TNFRSF10D: variants seen among roughly 807,000 people sequenced by gnomAD.
The protein encoded by TNFRSF10D is TNF receptor superfamily member 10d.
A neutral mutation model predicts 42.1 loss-of-function variants in TNFRSF10D; 28 were observed. The ratio of observed to expected loss-of-function variants is 0.66; its 90% confidence interval spans 0.49 to 0.91. TNFRSF10D has a LOEUF of 0.91. TNFRSF10D is among the 40% of genes least tolerant of loss of function. The pLI is 0.00. For synonymous variants in TNFRSF10D, 186 were observed against 189.4 expected (o/e 0.98, Z 0.15); for missense variants, 503 against 486.1 (o/e 1.03, Z -0.33).
chr8:23,139,552 T>C (rs1271541924), intron 7 of TNFRSF10D, among the ~76,000 whole-genome samples: 1 of 152,150 alleles, frequency 6.6e-6, no homozygotes, highest in Non-Finnish European at 1.5e-5. Context: ...GAGCCATCTA[T>C]GACAAACCCA....
chr8:23,161,515 T>C (rs375783117), intron 1 of TNFRSF10D, among the ~76,000 whole-genome samples: 1 of 151,152 alleles, frequency 6.6e-6, no homozygotes, highest in Non-Finnish European at 1.5e-5. Flanking sequence ...GCGTGGCAGG[T>C]GGCAGGGACT....
At chr8:23,143,530 A>G (rs766184546) in intron 7 of TNFRSF10D, among the ~76,000 whole-genome samples, 1 of 150,106 alleles carries the variant, frequency 6.7e-6, no homozygotes, top group Non-Finnish European at 1.5e-5. Context: ...TTTTTTGTTT[A>G]TTTCCTTACC....
intron 2 of TNFRSF10D, among the ~76,000 whole-genome samples, chr8:23,153,687 T>C (rs996224935): frequency 2.6e-5 from 4 of 152,234 alleles, no homozygotes; most frequent in Admixed American, 2.6e-4. Flanking sequence ...TTCACACCTG[T>C]AAAAATGGCT....
chr8:23,153,863 G>C (rs138455241), intron 2 of TNFRSF10D, among the ~76,000 whole-genome samples: 929 of 152,164 alleles, frequency 6.1e-3, no homozygotes, highest in African/African-American at 0.019. Context: ...AGCAATCCCA[G>C]TATTGTGTAT....
intron 7 of TNFRSF10D, among the ~76,000 whole-genome samples, chr8:23,142,554 T>TA (rs1213104801): frequency 6.6e-5 from 10 of 152,230 alleles, no homozygotes; most frequent in African/African-American, 2.2e-4. Context: ...ATCAGGTACT[T>TA]ACGACCATAA....
At chr8:23,140,371 AACAGACAC>A (rs1814440000) in intron 7 of TNFRSF10D, among the ~76,000 whole-genome samples, 1 of 90,934 alleles carries the variant, frequency 1.1e-5, no homozygotes. Flanking sequence ...TCCCATTTAC[AACAGACAC>A]ACACACACAC....
intron 8 of TNFRSF10D, 90 bp downstream of exon 8, chr8:23,138,098 A>C: frequency 6.2e-7 from 1 of 1,609,626 alleles, no homozygotes; most frequent in African/African-American, 1.3e-5. Context: ...TGAAACCTCC[A>C]GAAGAGCCCT....
At chr8:23,141,176 T>A (rs1814461964) in intron 7 of TNFRSF10D, among the ~76,000 whole-genome samples, 1 of 152,110 alleles carries the variant, frequency 6.6e-6, no homozygotes, top group Non-Finnish European at 1.5e-5. Flanking sequence ...TCAAGTGGCA[T>A]CTAATTGAAC....
intron 1 of TNFRSF10D, among the ~76,000 whole-genome samples, chr8:23,158,838 T>C (rs1367099275): frequency 1.3e-5 from 2 of 152,220 alleles, no homozygotes; most frequent in Non-Finnish European, 2.9e-5. Context: ...AAAGTGTACA[T>C]TTTTGAAGCA....
chr8:23,143,948 ATGTG>A lies in TNFRSF10D; in HGVS notation c.954+498_954+501del, dbSNP rs113784884. ...CTAGTGAATCGATGTGAATAACTGG[ATGTG>A]TGTGTTTCTGTAATACAAAAGCACT... On this transcript the variant is annotated intron_variant, in intron 7 of 8. Coordinates refer to ENST00000312584, the MANE Select transcript of TNFRSF10D (RefSeq NM_003840.5). 1.3e-3 allele frequency among the ~76,000 whole-genome samples: 202 copies of A among 152,328 alleles called. No individual in the cohort carries two copies. In the South Asian group the frequency reaches 0.014, roughly 10 times the overall value.
At chr8:23,141,350 C>T (rs1473381839) in intron 7 of TNFRSF10D, among the ~76,000 whole-genome samples, 1 of 151,858 alleles carries the variant, frequency 6.6e-6, no homozygotes, top group Non-Finnish European at 1.5e-5. Context: ...ACTAAAAATA[C>T]AAAAATTAGC....
At chr8:23,140,255 C>T (rs1244323675) in intron 7 of TNFRSF10D, among the ~76,000 whole-genome samples, 1 of 152,088 alleles carries the variant, frequency 6.6e-6, no homozygotes, top group Non-Finnish European at 1.5e-5. Context: ...CGCCACTGCA[C>T]TCCAGCCTGG....
chr8:23,137,489 G>C lies in TNFRSF10D; in HGVS notation c.*381C>G, dbSNP rs74738867. 0.024 allele frequency: 3,883 copies of C among 161,260 alleles called. 165 individuals carry two copies. The highest frequency in any genetic ancestry group is 0.088 in the African/African-American group (3,675 of 41,768). The allele number at this position is 161,260 out of a possible 1,614,324, so 10.0% of individuals were successfully genotyped here. On this transcript the variant is annotated 3_prime_UTR_variant, in exon 9 of 9. Transcript: ENST00000312584. The stretch of plus-strand genomic sequence containing the variant: ...AAACCACTTTTTTTCTTTTTAAATT[G>C]AGATGGAGTTTCACTGTGTTGATGA...
At chr8:23,163,216 C>T (rs1160099527) in intron 1 of TNFRSF10D, among the ~76,000 whole-genome samples, 1 of 150,992 alleles carries the variant, frequency 6.6e-6, no homozygotes, top group East Asian at 2.0e-4. Context: ...TCTCCTTCTG[C>T]CTCAGCCTCC....
chr8:23,155,075 CAT>C (rs1272265402), intron 1 of TNFRSF10D, 96 bp from the exon 2 acceptor site: 2 of 974,312 alleles, frequency 2.1e-6, no homozygotes, highest in Non-Finnish European at 3.0e-6. Flanking sequence ...TGACAAAACC[CAT>C]GAGAGCCTGG....
chr8:23,161,268 C>A (rs1342612791), intron 1 of TNFRSF10D, among the ~76,000 whole-genome samples: 2 of 152,250 alleles, frequency 1.3e-5, no homozygotes, highest in Non-Finnish European at 2.9e-5. Context: ...CCCAGCTGTT[C>A]CCAGCCTCCA....
intron 1 of TNFRSF10D, 41 bp downstream of exon 1, chr8:23,163,745 G>A (rs369103172): frequency 2.8e-5 from 44 of 1,596,726 alleles, no homozygotes; most frequent in Non-Finnish European, 3.7e-5. Flanking sequence ...CCCGGCGCCA[G>A]GTGCGCTCTT....
intron 1 of TNFRSF10D, among the ~76,000 whole-genome samples, chr8:23,163,034 G>A (rs1297286834): frequency 2.0e-5 from 3 of 147,668 alleles, no homozygotes; most frequent in African/African-American, 7.6e-5. Context: ...CAGTTCTCCT[G>A]CCTCAGCCTC....
chr8:23,144,374 C>T, intron 7 of TNFRSF10D, 76 bp downstream of exon 7: 2 of 1,504,802 alleles, frequency 1.3e-6, no homozygotes, highest in South Asian at 1.3e-5. Context: ...AAAGAGGAGG[C>T]ACTGCCATGT....
Sources: allele counts gnomAD v4.1 joint callset (sites outside exome capture counted in the v4.1 genomes callset), GRCh38; gene constraint gnomAD v4.1.1; transcripts MANE v1.5; gene names NCBI Gene and HGNC (gene_info 2026-07-23, HGNC 2026-07-21).